The following DCT variants were observed in gnomAD, a reference collection of about 807,000 sequenced individuals.
DCT encodes L-dopachrome tautomerase.
DCT carries 47 observed loss-of-function variants against 53.0 expected under a neutral mutation model. The observed-to-expected ratio is 0.89, with a 90% CI of 0.70 to 1.13. The LOEUF is 1.13. Ranked by LOEUF, DCT falls within the 50% of genes most tolerant of loss-of-function variation. The probability of loss-of-function intolerance (pLI) is 0.00; values close to 1 mark genes in which losing one functional copy is unlikely to be tolerated. For missense variants in DCT, 669 were observed against 637.4 expected, an observed-to-expected ratio of 1.05 and a Z score of -0.53; for synonymous variants, 244 against 237.0, an observed-to-expected ratio of 1.03 and a Z score of -0.27.
In DCT at chr13:94,439,094, A is replaced by T. The variant is rs1175421202; in HGVS notation, c.*804T>A. ...TATTTGTTAATAGGTTTACAGTAGC[A>T]TATCAACTAACCAGGAAACTCTATA... is the stretch of plus-strand genomic sequence containing the variant. On this transcript the variant is annotated 3_prime_UTR_variant, in exon 8 of 8. Transcript: ENST00000377028. The T allele has an allele frequency of 6.4e-6, 1 of 155,338 alleles. No homozygotes were observed. The highest frequency in any genetic ancestry group is 1.4e-5 in the Non-Finnish European group (1 of 70,222). 9.6% of individuals were successfully genotyped at this position (155,338 alleles called of 1,614,324 possible). A position where few individuals can be genotyped will look rare whatever the true frequency, so the allele number is the denominator to read the frequency against.
chr13:94,502,866 G>A, the DCT span, among the ~76,000 whole-genome samples: 9 of 152,242 alleles, frequency 5.9e-5, no homozygotes, highest in Admixed American at 3.3e-4. Context: ...CAGCCACTGT[G>A]AGCCTGCCAC....
upstream of DCT, among the ~76,000 whole-genome samples, chr13:94,483,600 T>G (rs1310223690): frequency 6.6e-6 from 1 of 152,054 alleles, no homozygotes; most frequent in East Asian, 1.9e-4. Flanking sequence ...CCTCCCAGTT[T>G]AAGCAATTCT....
the DCT span, among the ~76,000 whole-genome samples, chr13:94,535,205 T>C: frequency 6.6e-6 from 1 of 152,264 alleles, no homozygotes; most frequent in East Asian, 1.9e-4. Context: ...CCTGTTTTCA[T>C]GCAGACTATT....
the DCT span, among the ~76,000 whole-genome samples, chr13:94,540,970 A>C: frequency 2.0e-5 from 3 of 152,380 alleles, no homozygotes; most frequent in East Asian, 5.8e-4. Flanking sequence ...AAAAAGGATG[A>C]GATCCTGTCA....
At chr13:94,463,562 T>C (rs1883962085) in intron 4 of DCT, among the ~76,000 whole-genome samples, 1 of 151,874 alleles carries the variant, frequency 6.6e-6, no homozygotes, top group African/African-American at 2.4e-5. Flanking sequence ...AGTGCTGAGA[T>C]TACAGGCGTG....
chr13:94,501,481 TTTCC>T, the DCT span, among the ~76,000 whole-genome samples: 1 of 152,108 alleles, frequency 6.6e-6, no homozygotes, highest in African/African-American at 2.4e-5. Flanking sequence ...TCCTTTCTAC[TTTCC>T]TTCCTTTTTG....
At chr13:94,440,777 T>C (rs779497732) in intron 7 of DCT, among the ~76,000 whole-genome samples, 6 of 147,922 alleles carry the variant, frequency 4.1e-5, no homozygotes, top group Non-Finnish European at 5.9e-5. Context: ...GCCTCCTGAG[T>C]TCAAGCGATT....
At chr13:94,457,468 C>A (rs1467138318) in intron 6 of DCT, among the ~76,000 whole-genome samples, 1 of 152,160 alleles carries the variant, frequency 6.6e-6, no homozygotes, top group African/African-American at 2.4e-5. Flanking sequence ...GACCTCCTGG[C>A]CTCTAGAACT....
At chr13:94,539,719 G>T in the DCT span, among the ~76,000 whole-genome samples, 1 of 152,008 alleles carries the variant, frequency 6.6e-6, no homozygotes, top group Admixed American at 6.5e-5. Flanking sequence ...GAATCAATTA[G>T]GGAACATAAA....
the DCT span, among the ~76,000 whole-genome samples, chr13:94,508,124 A>T: frequency 6.6e-6 from 1 of 152,230 alleles, no homozygotes; most frequent in Non-Finnish European, 1.5e-5. Context: ...AGTAATTATT[A>T]TGTATTACGT....
chr13:94,479,163 C>T lies in DCT; in HGVS notation c.93G>A (p.Thr31=), dbSNP rs1375179162. The change falls in exon 1 of 8, where the codon ACG becomes ACA. Residue 31 remains threonine, a synonymous_variant. Coordinates refer to ENST00000377028, the MANE Select transcript of DCT (RefSeq NM_001922.5). ...ACTCCTTGTTCACTAGGCTGTCCAC[C>T]GTCATGCAGACTCGGGGGAACTGAC... The part of the protein sequence containing the change: ...AQGQFPRVCM[T]VDSLVNKECC... 7 of 1,613,684 alleles carry T rather than the reference C, an allele frequency of 4.3e-6. No individual in the cohort carries two copies. Among genetic ancestry groups the T allele is most frequent in the East Asian group, 2.2e-5 (1 of 44,870 alleles).
chr13:94,497,172 C>T, the DCT span, among the ~76,000 whole-genome samples: 6 of 152,116 alleles, frequency 3.9e-5, no homozygotes, highest in South Asian at 6.2e-4. Flanking sequence ...CGTAGGTGGG[C>T]CTCATCCAAC....
the DCT span, among the ~76,000 whole-genome samples, chr13:94,499,508 G>A: frequency 0.14 from 20,765 of 152,072 alleles, 1,539 homozygotes; most frequent in South Asian, 0.23. Flanking sequence ...ACCAAGCAGT[G>A]GCTGTTGATG....
At chr13:94,514,677 G>T in the DCT span, among the ~76,000 whole-genome samples, 1 of 152,198 alleles carries the variant, frequency 6.6e-6, no homozygotes, top group African/African-American at 2.4e-5. Context: ...GAAAGGCTGG[G>T]CCTTTCGGTT....
the DCT span, among the ~76,000 whole-genome samples, chr13:94,494,674 T>C: frequency 1.6e-4 from 24 of 152,230 alleles, no homozygotes; most frequent in Non-Finnish European, 2.6e-4. Context: ...CACTGCATTA[T>C]AGAAAGTTTT....
the DCT span, among the ~76,000 whole-genome samples, chr13:94,527,988 G>A: frequency 4.6e-5 from 7 of 152,164 alleles, no homozygotes; most frequent in African/African-American, 1.4e-4. Flanking sequence ...ACTTCGTGAC[G>A]CATGCACAAG....
chr13:94,506,213 C>T, the DCT span, among the ~76,000 whole-genome samples: 1 of 152,178 alleles, frequency 6.6e-6, no homozygotes, highest in Non-Finnish European at 1.5e-5. Flanking sequence ...TTTACTTAAT[C>T]GCTTAAAACT....
At chr13:94,511,260 T>C in the DCT span, among the ~76,000 whole-genome samples, 2 of 152,044 alleles carry the variant, frequency 1.3e-5, no homozygotes, top group African/African-American at 2.4e-5. Flanking sequence ...ATTCCTCCAA[T>C]ACACCCTGCT....
rs1272694208 is a variant in DCT at position 94,439,933 on chromosome 13, G to C, written c.1525C>G (p.His509Asp). 2 of 1,613,926 alleles carry C rather than the reference G, an allele frequency of 1.2e-6. No homozygotes were observed. The highest frequency in any genetic ancestry group is 1.7e-5 in the Admixed American group (1 of 60,006). Reference sequence around the variant, plus strand: ...TCTGTGTATCTCTTGCTGCTTAAATGTGTCTCCATTAGGGGTGTATATCCT... The same window carrying C: ...TCTGTGTATCTCTTGCTGCTTAAATCTGTCTCCATTAGGGGTGTATATCCT... ...RKGYTPLMETHLSSKRYTEEA is the reference protein window; with the variant it reads ...RKGYTPLMETDLSSKRYTEEA Residue 509 changes from histidine (H) to aspartate (D), a missense_variant, in exon 8 of 8, where the codon CAT becomes GAT. By Grantham distance (81) the His-to-Asp change is moderately conservative. Coordinates refer to ENST00000377028, the MANE Select transcript of DCT (RefSeq NM_001922.5).
Sources: gnomAD v4.1 joint callset for allele counts (sites outside exome capture counted in the v4.1 genomes callset) on GRCh38, gnomAD v4.1.1 for gene constraint, MANE v1.5 for transcripts, NCBI Gene and HGNC (gene_info 2026-07-23, HGNC 2026-07-21) for gene names.